Variants in ADAMTS17 observed in about 807,000 individuals in gnomAD.
The protein encoded by ADAMTS17 is ADAM metallopeptidase with thrombospondin type 1 motif 17.
ADAMTS17 carries 113 observed loss-of-function variants against 141.5 expected under a neutral mutation model. The observed-to-expected ratio is 0.80, with a 90% confidence interval of 0.69 to 0.93. ADAMTS17 has a LOEUF of 0.93. Among genes scored for constraint, ADAMTS17 ranks in the 40% least tolerant of loss-of-function variants. The pLI, the probability that ADAMTS17 is intolerant of heterozygous loss-of-function variation, is 0.00. For missense variants in ADAMTS17, 1,659 were observed against 1,517.9 expected (o/e 1.09, Z -1.54); for synonymous variants, 768 against 630.6 (o/e 1.22, Z -3.27).
chr15:100,101,238 CCA>C (rs201077122), intron 14 of ADAMTS17, among the ~76,000 whole-genome samples: 2,162 of 151,612 alleles, frequency 0.014, 23 homozygotes, highest in Non-Finnish European at 0.024. Context: ...TCCTCCTCAG[CCA>C]CAGTCCCCCG....
At chr15:100,323,947 CG>C (rs2045815030) in intron 3 of ADAMTS17, among the ~76,000 whole-genome samples, 1 of 150,594 alleles carries the variant, frequency 6.6e-6, no homozygotes, top group South Asian at 2.1e-4. Flanking sequence ...TGGTTGCTTC[CG>C]GGGAATAAGC....
intron 18 of ADAMTS17, among the ~76,000 whole-genome samples, chr15:100,005,693 G>A (rs920103153): frequency 6.6e-6 from 1 of 152,184 alleles, no homozygotes; most frequent in Non-Finnish European, 1.5e-5. Context: ...TAAAAGGACT[G>A]CTAATAAAAG....
chr15:100,152,617 T>A lies in ADAMTS17; in HGVS notation c.1468A>T (p.Met490Leu). 3 of 1,613,756 alleles carry A rather than the reference T, an allele frequency of 1.9e-6. No individual in the cohort carries two copies. Among genetic ancestry groups the A allele is most frequent in the Non-Finnish European group, 2.5e-6 (3 of 1,179,960 alleles). Residue 490 changes from methionine to leucine, a missense_variant, in exon 10 of 22, where the codon ATG becomes TTG. Coordinates refer to ENST00000268070, the MANE Select transcript of ADAMTS17 (RefSeq NM_139057.4). ...FGMNATFCRN[M>L]EHLMCAGLWC... ...GCCCTCCCACGGCTGCTTACCTCCA[T>A]GTTTCTGCAGAAGGTGGCATTCATG...
In ADAMTS17 at chr15:100,229,331, C is replaced by G. The variant is rs567335206; in HGVS notation, c.1075+24805G>C. Reference sequence around the variant, plus strand: ...GACCATTGACTGGACTCCCAGGCCTCTTATCTAATATCCTGCCCTGCAACT... The same window carrying G: ...GACCATTGACTGGACTCCCAGGCCTGTTATCTAATATCCTGCCCTGCAACT... On this transcript the variant is annotated intron_variant, in intron 7 of 21. Transcript: ENST00000268070. 2.6e-5 allele frequency among the ~76,000 whole-genome samples: 4 copies of G among 151,632 alleles called. No homozygotes were observed. In the South Asian group the frequency reaches 8.4e-4, roughly 32 times the overall value.
intron 11 of ADAMTS17, among the ~76,000 whole-genome samples, chr15:100,132,447 C>G (rs1021720679): frequency 6.6e-6 from 1 of 152,118 alleles, no homozygotes; most frequent in African/African-American, 2.4e-5. Flanking sequence ...TTGAAGAGAC[C>G]TGGGCTTCTG....
chr15:100,169,731 C>T (rs117314538), intron 8 of ADAMTS17, among the ~76,000 whole-genome samples: 3 of 152,306 alleles, frequency 2.0e-5, no homozygotes, highest in Non-Finnish European at 4.4e-5. Context: ...ACTGCATGCT[C>T]GAAACCAGCA....
rs1447775801 is a variant in ADAMTS17 at position 100,152,686 on chromosome 15, C to T, written c.1399G>A (p.Gly467Ser). ...TGCTCGTTGGCACTGTAGTGCATGC[C>T]CGGCAGCTTGTGCGGGAGGCGTACT... ...HTVRLPHKLP[G>S]MHYSANEQCQ... The change falls in exon 10 of 22, where the codon GGC (glycine) becomes AGC (serine). Residue 467 changes from glycine (G) to serine (S), a missense_variant. Physicochemically the swap from Gly to Ser is moderately conservative, Grantham distance 56. Coordinates refer to ENST00000268070, the MANE Select transcript of ADAMTS17 (RefSeq NM_139057.4). The T allele has an allele frequency of 3.1e-6, 5 of 1,614,092 alleles. No homozygotes were observed. Among genetic ancestry groups the T allele is most frequent in the Non-Finnish European group, 4.2e-6 (5 of 1,180,054 alleles).
intron 14 of ADAMTS17, among the ~76,000 whole-genome samples, chr15:100,106,752 T>C (rs1410800248): frequency 6.6e-6 from 1 of 152,238 alleles, no homozygotes; most frequent in Non-Finnish European, 1.5e-5. Flanking sequence ...CAGGATGGTC[T>C]GTGGAAGTGT....
chr15:100,073,385 C>A (rs1038238280), intron 15 of ADAMTS17, among the ~76,000 whole-genome samples: 5 of 152,246 alleles, frequency 3.3e-5, no homozygotes, highest in East Asian at 1.9e-4. Context: ...ACTAGAAATA[C>A]CATCTGACCC....
intron 14 of ADAMTS17, among the ~76,000 whole-genome samples, chr15:100,098,861 T>C (rs2035926108): frequency 6.6e-6 from 1 of 152,178 alleles, no homozygotes; most frequent in African/African-American, 2.4e-5. Flanking sequence ...AGAGCTGGTC[T>C]CTCCCACTGG....
rs139998115 is a variant in ADAMTS17 at position 100,053,225 on chromosome 15, G to A, written c.2295+672C>T. Among the ~76,000 whole-genome samples the A allele has an allele frequency of 2.4e-4, 36 of 152,288 alleles. No homozygotes were observed. The East Asian group carries it at 4.6e-3, about 20-fold the overall frequency. On this transcript the variant is annotated intron_variant, in intron 16 of 21. Coordinates refer to ENST00000268070, the MANE Select transcript of ADAMTS17 (RefSeq NM_139057.4). ...CTGGATCTTGAGACGGAAGCAGGGCGCTCCATTCCCTGGAGATCTCTGACA... is the reference window on the plus strand; with the variant it reads ...CTGGATCTTGAGACGGAAGCAGGGCACTCCATTCCCTGGAGATCTCTGACA...
intron 15 of ADAMTS17, among the ~76,000 whole-genome samples, chr15:100,062,341 CAG>C (rs2033186415): frequency 6.6e-6 from 1 of 151,550 alleles, no homozygotes; most frequent in African/African-American, 2.4e-5. Context: ...CAGCTTGGGA[CAG>C]GGGGGGATCC....
intron 12 of ADAMTS17, among the ~76,000 whole-genome samples, chr15:100,130,588 A>G (rs768048716): frequency 2.0e-5 from 3 of 152,180 alleles, no homozygotes; most frequent in Non-Finnish European, 4.4e-5. Flanking sequence ...TCACCTGGGA[A>G]GATAAAATAT....
chr15:100,207,732 C>G (rs1011403063), intron 7 of ADAMTS17, among the ~76,000 whole-genome samples: 1 of 152,162 alleles, frequency 6.6e-6, no homozygotes, highest in Non-Finnish European at 1.5e-5. Context: ...GAAGTGCCAT[C>G]CCTCAGTCGT....
intron 7 of ADAMTS17, among the ~76,000 whole-genome samples, chr15:100,216,339 A>T (rs1358962215): frequency 1.3e-5 from 2 of 152,222 alleles, no homozygotes; most frequent in East Asian, 3.9e-4. Context: ...GGCACAGGAC[A>T]ATTTCACAAT....
At position 100,281,299 on chromosome 15, in the gene ADAMTS17, G is replaced by C. The variant is rs778231464; in HGVS notation, c.719C>G (p.Ala240Gly). 2 of 1,609,166 alleles carry C rather than the reference G, an allele frequency of 1.2e-6. No homozygotes were observed. The highest frequency in any genetic ancestry group is 1.7e-6 in the Non-Finnish European group (2 of 1,180,004). Residue 240 changes from alanine to glycine, a missense_variant, in exon 4 of 22, where the codon GCC becomes GGC. Ala to Gly is a moderately conservative substitution (Grantham distance 60). Transcript: ENST00000268070. ...SEHTVETLVV[A>G]DADMVQYHGA... Reference sequence around the variant, plus strand: ...GTGGTACTGCACCATGTCGGCGTCGGCCACCACCAGGGTCTCCACCGTGTG... The same window carrying C: ...GTGGTACTGCACCATGTCGGCGTCGCCCACCACCAGGGTCTCCACCGTGTG...
intron 3 of ADAMTS17, among the ~76,000 whole-genome samples, chr15:100,290,043 G>C (rs1216653667): frequency 1.3e-5 from 2 of 152,182 alleles, no homozygotes; most frequent in East Asian, 3.9e-4. Flanking sequence ...AGAAATAAAA[G>C]ACATCATACA....
In ADAMTS17 at chr15:100,090,748, C is replaced by G. The variant is rs1351171157; in HGVS notation, c.2137+5608G>C. 5.3e-5 allele frequency among the ~76,000 whole-genome samples: 8 copies of G among 152,158 alleles called. No homozygotes were observed. In the East Asian group the frequency reaches 1.2e-3, roughly 22 times the overall value. On this transcript the variant is annotated intron_variant, in intron 15 of 21. Transcript: ENST00000268070. ...ACCAGCTGGGCGCAGTGGCTCACGC[C>G]TGTAATTCCAGCACTTTGGGAGGCT...
chr15:100,220,731 C>T (rs1464559757), intron 7 of ADAMTS17, among the ~76,000 whole-genome samples: 2 of 152,198 alleles, frequency 1.3e-5, no homozygotes, highest in Non-Finnish European at 2.9e-5. Context: ...TGTGCACTCG[C>T]CTCTTCTGGA....
Sources: gnomAD v4.1 joint callset for allele counts (sites outside exome capture counted in the v4.1 genomes callset) on GRCh38, gnomAD v4.1.1 for gene constraint, MANE v1.5 for transcripts, NCBI Gene and HGNC (gene_info 2026-07-23, HGNC 2026-07-21) for gene names.